Variants in OTULIN observed in about 807,000 individuals in gnomAD.
OTULIN encodes the protein OTU deubiquitinase with linear linkage specificity, also known as ubiquitin thioesterase otulin.
OTULIN carries 15 observed loss-of-function variants against 39.6 expected under a neutral mutation model. That is an observed-to-expected ratio of 0.38 (90% confidence interval 0.25 to 0.58). The LOEUF (loss-of-function observed/expected upper bound fraction) is 0.58. Among genes scored for constraint, OTULIN ranks in the 20% least tolerant of loss-of-function variants. OTULIN has a pLI of 0.66. For missense variants in OTULIN, 319 were observed against 445.9 expected, an observed-to-expected ratio of 0.72 and a Z score of 2.56; for synonymous variants, 156 against 170.3, an observed-to-expected ratio of 0.92 and a Z score of 0.65.
intron 3 of OTULIN, 94 bp downstream of exon 3, chr5:14,678,869 A>G (rs1390059507): frequency 6.5e-6 from 5 of 767,520 alleles, no homozygotes; most frequent in Non-Finnish European, 1.0e-5. Context: ...ATTAGTTAAA[A>G]TGACTGCTAT....
In OTULIN at chr5:14,664,920, G is replaced by A. The variant is rs1735791021; in HGVS notation, c.95G>A (p.Gly32Asp). The A allele has an allele frequency of 4.3e-6, 5 of 1,174,100 alleles. No individual in the cohort carries two copies. In the African/African-American group the frequency reaches 6.4e-5, roughly 15 times the overall value. The allele number at this position is 1,174,100 out of a possible 1,614,324, so 72.7% of individuals were successfully genotyped here. A position where few individuals can be genotyped will look rare whatever the true frequency, so the allele number is the denominator to read the frequency against. ...GAGGCGGCGGCCACGGCGCGGGACG[G>A]CGGGAAGGCGGCGGCCAGCGGGCAG... is the stretch of plus-strand genomic sequence containing the variant. ...AREAAATARD[G>D]GKAAASGQPR... The change falls in exon 1 of 7, where the codon GGC (glycine) becomes GAC (aspartate). Residue 32 changes from glycine to aspartate, a missense_variant. Coordinates refer to ENST00000284274, the MANE Select transcript of OTULIN (RefSeq NM_138348.6).
At chr5:14,712,386 AAAAC>A in the OTULIN span, among the ~76,000 whole-genome samples, 2 of 151,696 alleles carry the variant, frequency 1.3e-5, no homozygotes, top group African/African-American at 4.8e-5. Flanking sequence ...TTCACTGAGA[AAAAC>A]AAAAGTGATC....
intron 1 of OTULIN, among the ~76,000 whole-genome samples, chr5:14,666,592 GGTTTGCTTCCCAA>G (rs371052168): frequency 2.2e-4 from 33 of 152,198 alleles, no homozygotes; most frequent in African/African-American, 7.9e-4. Flanking sequence ...TTCCCCCCTT[GGTTTGCTTCCCAA>G]GTTTGCTTCC....
the OTULIN span, chr5:14,710,804 A>T: frequency 3.6e-6 from 1 of 275,902 alleles, no homozygotes; most frequent in South Asian, 3.8e-5. Context: ...ATGAAGGGGG[A>T]CAGGAGAGTC....
chr5:14,690,153 C>A lies in OTULIN; in HGVS notation c.709C>A (p.Leu237Ile). The change falls in exon 6 of 7, where the codon CTA (leucine) becomes ATA (isoleucine). Residue 237 changes from leucine (L) to isoleucine (I), a missense_variant. By Grantham distance (5) the Leu-to-Ile change is conservative. This residue lies in a region of OTULIN where 106 missense variants were observed against 192.8 expected (regional missense o/e 0.55). Transcript: ENST00000284274. This position sits in a 1 kb window ranked among gnomAD's most constrained non-coding sequence, Gnocchi z 4.5. ...CTATGAAGCTGTAAAATTTCTAATG[C>A]TAAACAGAGCCATTGAACTATATAA... The part of the protein sequence containing the change: ...SLYEAVKFLM[L>I]NRAIELYNDK... The A allele has an allele frequency of 6.2e-7, 1 of 1,614,128 alleles. No homozygotes were observed. The highest frequency in any genetic ancestry group is 8.5e-7 in the Non-Finnish European group (1 of 1,180,032).
intron 1 of OTULIN, among the ~76,000 whole-genome samples, chr5:14,670,737 G>A (rs1423863314): frequency 2.6e-5 from 4 of 152,098 alleles, no homozygotes; most frequent in Non-Finnish European, 5.9e-5. Flanking sequence ...CCTTTCTAGG[G>A]GGGATTACAG....
chr5:14,714,331 C>T, the OTULIN span, among the ~76,000 whole-genome samples: 1 of 152,216 alleles, frequency 6.6e-6, no homozygotes, highest in Admixed American at 6.5e-5. Flanking sequence ...CATGGGTGGA[C>T]AGCGGGGAAC....
At position 14,693,728 on chromosome 5, in the gene OTULIN, G is replaced by A. The variant is rs1404557557; in HGVS notation, c.*680G>A. 5 of 152,250 alleles carry A rather than the reference G, an allele frequency of 3.3e-5. No homozygotes were observed. Among genetic ancestry groups the A allele is most frequent in the Non-Finnish European group, 7.3e-5 (5 of 68,060 alleles). The allele number at this position is 152,250 out of a possible 1,614,324, so 9.4% of individuals were successfully genotyped here. Reference sequence around the variant, plus strand: ...AACAGATTAAGAATTGGGTCCCAAAGTGGGTTATTTCAAGGCATTTTTGAA... The same window carrying A: ...AACAGATTAAGAATTGGGTCCCAAAATGGGTTATTTCAAGGCATTTTTGAA... On this transcript the variant is annotated 3_prime_UTR_variant, in exon 7 of 7. Coordinates refer to ENST00000284274, the MANE Select transcript of OTULIN (RefSeq NM_138348.6).
the OTULIN span, chr5:14,712,857 C>T: frequency 2.5e-5 from 40 of 1,586,870 alleles, no homozygotes; most frequent in Middle Eastern, 1.7e-4. Flanking sequence ...AGGAGGCTCC[C>T]GGCGCGGCTG....
At chr5:14,679,002 T>C (rs1267038508) in intron 3 of OTULIN, among the ~76,000 whole-genome samples, 1 of 152,236 alleles carries the variant, frequency 6.6e-6, no homozygotes, top group East Asian at 1.9e-4. Context: ...GCAATTTCTT[T>C]GAAAAACACG....
downstream of OTULIN, among the ~76,000 whole-genome samples, chr5:14,699,975 G>A (rs1279687408): frequency 2.0e-5 from 3 of 152,152 alleles, no homozygotes; most frequent in African/African-American, 7.2e-5. Context: ...CAGTCCCATT[G>A]GAGAGCACGA....
intron 2 of OTULIN, among the ~76,000 whole-genome samples, chr5:14,675,621 G>C (rs1388844098): frequency 6.6e-6 from 1 of 152,184 alleles, no homozygotes; most frequent in Non-Finnish European, 1.5e-5. Context: ...GTAGGCTCTC[G>C]GTTGTGATTC....
chr5:14,692,613 T>A (rs1359716305), intron 6 of OTULIN, among the ~76,000 whole-genome samples: 2 of 152,178 alleles, frequency 1.3e-5, no homozygotes, highest in Admixed American at 6.5e-5. Flanking sequence ...TTGTTAATTG[T>A]TGTAAAAGTT....
At position 14,681,468 on chromosome 5, in the gene OTULIN, A is replaced by G. The variant is rs1736247862; in HGVS notation, c.329A>G (p.Tyr110Cys). ...TQKATCMKMG[Y>C]EEVSQKFTSI... ...TTCTTTCATACCTTTTCCCAGGGCTATGAAGAGGTTTCTCAGAAGTTCACC... is the reference window on the plus strand; with the variant it reads ...TTCTTTCATACCTTTTCCCAGGGCTGTGAAGAGGTTTCTCAGAAGTTCACC... Residue 110 changes from tyrosine (Y) to cysteine (C), a missense_variant, in exon 4 of 7, where the codon TAT becomes TGT. Physicochemically the swap from Tyr to Cys is radical, Grantham distance 194. Coordinates refer to ENST00000284274, the MANE Select transcript of OTULIN (RefSeq NM_138348.6). The G allele has an allele frequency of 6.2e-7, 1 of 1,611,228 alleles. No homozygotes were observed. Among genetic ancestry groups the G allele is most frequent in the Non-Finnish European group, 8.5e-7 (1 of 1,179,238 alleles).
chr5:14,666,522 C>T (rs1717415316), intron 1 of OTULIN, among the ~76,000 whole-genome samples: 2 of 152,174 alleles, frequency 1.3e-5, no homozygotes, highest in African/African-American at 4.8e-5. Context: ...CTCTTCTGGG[C>T]TTCCTCAGCA....
the OTULIN span, among the ~76,000 whole-genome samples, chr5:14,711,903 C>T: frequency 2.6e-5 from 4 of 152,188 alleles, no homozygotes; most frequent in Non-Finnish European, 5.9e-5. Context: ...TTGCCATTAT[C>T]GACACACCAA....
At chr5:14,687,748 T>C in intron 5 of OTULIN, 102 bp downstream of exon 5, 1 of 1,419,754 alleles carries the variant, frequency 7.0e-7, no homozygotes. Context: ...TTTCAAATGC[T>C]CTTGGCTGAT....
At chr5:14,700,858 C>G (rs902387646), downstream of OTULIN, among the ~76,000 whole-genome samples, 1 of 152,154 alleles carries the variant, frequency 6.6e-6, no homozygotes, top group African/African-American at 2.4e-5. Context: ...CGACCCATCA[C>G]CTTTTTGAGC....
intron 4 of OTULIN, among the ~76,000 whole-genome samples, chr5:14,681,891 GTGTTT>G (rs1736260702): frequency 6.6e-6 from 1 of 152,186 alleles, no homozygotes; most frequent in South Asian, 2.1e-4. Flanking sequence ...TTCAATTTTG[GTGTTT>G]ATTTTAAGTA....
Sources: allele counts gnomAD v4.1 joint callset (sites outside exome capture counted in the v4.1 genomes callset), GRCh38; gene constraint gnomAD v4.1.1; regional missense constraint gnomAD v4.1.1; non-coding constraint Gnocchi (gnomAD v3.1); transcripts MANE v1.5; gene names NCBI Gene and HGNC (gene_info 2026-07-23, HGNC 2026-07-21).